JMJD1C: variants seen among roughly 807,000 people sequenced by gnomAD.
The protein encoded by JMJD1C is jumonji domain containing 1C, also known as jumonji domain-containing protein 1C.
In JMJD1C, 31 loss-of-function variants were observed where a neutral mutation model predicts 245.3. The ratio of observed to expected loss-of-function variants is 0.13; its 90% CI spans 0.09 to 0.17. The LOEUF (loss-of-function observed/expected upper bound fraction) is 0.17, where lower values mean the gene tolerates loss of function less well. Among genes scored for constraint, JMJD1C ranks in the 10% least tolerant of loss-of-function variants. The probability of loss-of-function intolerance (pLI) is 1.00; values close to 1 mark genes in which losing one functional copy is unlikely to be tolerated. For missense variants in JMJD1C, 2,691 were observed against 3,000.2 expected (o/e 0.90, Z 2.41); for synonymous variants, 1,057 against 1,017.4 (o/e 1.04, Z -0.74).
chr10:63,435,671 G>A (rs946820015), intron 1 of JMJD1C, among the ~76,000 whole-genome samples: 9 of 152,120 alleles, frequency 5.9e-5, no homozygotes, highest in Admixed American at 2.0e-4. Context: ...AGGCTGAGGC[G>A]CGTGGACTGG....
chr10:63,404,009 G>A (rs751135184), intron 1 of JMJD1C, among the ~76,000 whole-genome samples: 5 of 152,024 alleles, frequency 3.3e-5, no homozygotes, highest in Admixed American at 6.5e-5. Flanking sequence ...CAGCTACTCA[G>A]GAGACTGAGG....
At chr10:63,370,963 C>G (rs1254530501) in intron 2 of JMJD1C, among the ~76,000 whole-genome samples, 1 of 152,044 alleles carries the variant, frequency 6.6e-6, no homozygotes, top group Admixed American at 6.6e-5. Flanking sequence ...AAATAATGAT[C>G]TCCATTACTT....
chr10:63,337,842 T>C (rs533080335), intron 2 of JMJD1C, among the ~76,000 whole-genome samples: 1 of 152,278 alleles, frequency 6.6e-6, no homozygotes, highest in Non-Finnish European at 1.5e-5. Context: ...TTGTTATTAC[T>C]ATAGTAAGAA....
At chr10:63,296,427 C>A (rs919379394) in intron 2 of JMJD1C, among the ~76,000 whole-genome samples, 21 of 152,116 alleles carry the variant, frequency 1.4e-4, no homozygotes, top group African/African-American at 4.6e-4. Flanking sequence ...AGCCTTCTTG[C>A]CCTTAAAAAA....
intron 1 of JMJD1C, among the ~76,000 whole-genome samples, chr10:63,491,220 C>T (rs574864065): frequency 6.6e-6 from 1 of 152,224 alleles, no homozygotes; most frequent in Admixed American, 6.5e-5. Context: ...TTACCTTCCT[C>T]ATCTCATTTT....
At chr10:63,250,865 C>T (rs886536803) in intron 3 of JMJD1C, among the ~76,000 whole-genome samples, 5 of 152,166 alleles carry the variant, frequency 3.3e-5, no homozygotes, top group Non-Finnish European at 7.3e-5. Context: ...CTCAGCCTCC[C>T]AAGTAGCTGG....
intron 2 of JMJD1C, among the ~76,000 whole-genome samples, chr10:63,272,947 T>C (rs867082480): frequency 6.6e-6 from 1 of 152,172 alleles, no homozygotes; most frequent in African/African-American, 2.4e-5. Flanking sequence ...AACCATACAA[T>C]TGCCTCAAAA....
At chr10:63,200,796 G>A (rs1845922779) in intron 10 of JMJD1C, 119 bp from the exon 11 acceptor site, 3 of 837,474 alleles carry the variant, frequency 3.6e-6, no homozygotes, top group Non-Finnish European at 3.8e-6. Flanking sequence ...TAGTAAAGAA[G>A]CAAAGACATT....
chr10:63,281,131 CTT>C (rs754461363), intron 2 of JMJD1C, among the ~76,000 whole-genome samples: 10 of 122,952 alleles, frequency 8.1e-5, no homozygotes, highest in Non-Finnish European at 8.3e-5. Flanking sequence ...CACACCCGGC[CTT>C]TTTTTTTTTT....
chr10:63,421,448 A>C (rs569137686), intron 1 of JMJD1C, among the ~76,000 whole-genome samples: 2 of 152,294 alleles, frequency 1.3e-5, no homozygotes, highest in South Asian at 4.1e-4. Context: ...GATGATTGGG[A>C]AGTTGAACTG....
At chr10:63,454,469 G>A (rs1341723783) in intron 1 of JMJD1C, among the ~76,000 whole-genome samples, 3 of 152,014 alleles carry the variant, frequency 2.0e-5, no homozygotes, top group Non-Finnish European at 4.4e-5. Context: ...TGTTGCCCAA[G>A]CTGGAGTGTA....
intron 2 of JMJD1C, among the ~76,000 whole-genome samples, chr10:63,359,287 T>G (rs571008844): frequency 6.6e-6 from 1 of 152,364 alleles, no homozygotes; most frequent in East Asian, 1.9e-4. Flanking sequence ...TTAACATTTT[T>G]CTAAGCTGTT....
chr10:63,432,062 C>G (rs1184962117), intron 1 of JMJD1C, among the ~76,000 whole-genome samples: 1 of 152,130 alleles, frequency 6.6e-6, no homozygotes, highest in Non-Finnish European at 1.5e-5. Context: ...GCCTTGAGTT[C>G]TTGTTGTTTC....
At chr10:63,416,376 G>A (rs1949804650) in intron 1 of JMJD1C, among the ~76,000 whole-genome samples, 1 of 149,854 alleles carries the variant, frequency 6.7e-6, no homozygotes. Flanking sequence ...ACATTTAAAA[G>A]TCAGCTGAAT....
At chr10:63,292,143 G>GCTTTTTTTTTTTTTTTT (rs1396774570) in intron 2 of JMJD1C, among the ~76,000 whole-genome samples, 1 of 13,540 alleles carries the variant, frequency 7.4e-5, no homozygotes, top group Non-Finnish European at 1.8e-4. Flanking sequence ...TGTAGAGACA[G>GCTTTTTTTTTTTTTTTT]ATTTTTTTTT....
At chr10:63,206,209 G>C (rs1846599944) in intron 10 of JMJD1C, among the ~76,000 whole-genome samples, 1 of 152,190 alleles carries the variant, frequency 6.6e-6, no homozygotes, top group Non-Finnish European at 1.5e-5. Flanking sequence ...CATCTTGTTA[G>C]AGGTAAATAT....
At chr10:63,202,448 T>G in intron 10 of JMJD1C, 1 of 985,446 alleles carries the variant, frequency 1.0e-6, no homozygotes, top group Non-Finnish European at 1.2e-6. Context: ...ATGCCCAATG[T>G]GTGGATCAGA....
At chr10:63,443,799 G>A (rs944055841) in intron 1 of JMJD1C, among the ~76,000 whole-genome samples, 1 of 152,178 alleles carries the variant, frequency 6.6e-6, no homozygotes, top group African/African-American at 2.4e-5. Context: ...ACCATACCCT[G>A]AAGTTATCTA....
intron 2 of JMJD1C, among the ~76,000 whole-genome samples, chr10:63,372,496 T>C (rs1009828325): frequency 1.3e-5 from 2 of 152,208 alleles, no homozygotes; most frequent in Non-Finnish European, 2.9e-5. Context: ...TTATTATATA[T>C]TGACATGTTT....
Sources: gnomAD v4.1 joint callset for allele counts (sites outside exome capture counted in the v4.1 genomes callset) on GRCh38, gnomAD v4.1.1 for gene constraint, MANE v1.5 for transcripts, NCBI Gene and HGNC (gene_info 2026-07-23, HGNC 2026-07-21) for gene names.